The following NLRP5 variants were observed in gnomAD, a reference collection of about 807,000 sequenced individuals.
NLRP5 encodes the protein NLR family pyrin domain containing 5.
NLRP5 carries 93 observed loss-of-function variants against 113.1 expected under a neutral mutation model. The observed-to-expected ratio is 0.82, with a 90% CI of 0.70 to 0.98. NLRP5 has a LOEUF of 0.98. Among genes scored for constraint, NLRP5 ranks in the 50% least tolerant of loss-of-function variants. NLRP5 has a pLI of 0.00. For missense variants in NLRP5, 1,808 were observed against 1,514.3 expected (o/e 1.19, Z -3.22); for synonymous variants, 751 against 600.7 (o/e 1.25, Z -3.66).
intron 12 of NLRP5, among the ~76,000 whole-genome samples, chr19:56,053,393 T>A (rs1200513402): frequency 7.5e-6 from 1 of 133,642 alleles, no homozygotes; most frequent in Non-Finnish European, 1.6e-5. Context: ...CAAAACTCCA[T>A]CTCAAAAAAA....
Position 56,057,176 on chromosome 19 carries a change from G to A in NLRP5, c.3300-1064G>A, listed in dbSNP as rs368656727. On this transcript the variant is annotated intron_variant, in intron 13 of 14. Transcript: ENST00000390649. ...TTCTTTTTCAATCTAGAATGATTAG[G>A]ACATGTAAAACCTATATACCCACCA... is the stretch of plus-strand genomic sequence containing the variant. Among the ~76,000 whole-genome samples the A allele has an allele frequency of 9.9e-5, 15 of 152,178 alleles. No individual in the cohort carries two copies. In the South Asian group the frequency reaches 1.5e-3, roughly 15 times the overall value.
In NLRP5 at chr19:56,038,060, T is replaced by C. The variant is rs1284927698; in HGVS notation, c.2651T>C (p.Leu884Pro). 6.2e-7 allele frequency: 1 copy of C among 1,613,866 alleles called. No homozygotes were observed. The highest frequency in any genetic ancestry group is 1.7e-5 in the Admixed American group (1 of 59,986). ...TGTGGATTGACCCATGCCTGTTACCTGAAGATCTCCCAAATCCTTACGACC... is the reference window on the plus strand; with the variant it reads ...TGTGGATTGACCCATGCCTGTTACCCGAAGATCTCCCAAATCCTTACGACC... The change falls in exon 10 of 15, where the codon CTG (leucine) becomes CCG (proline). Residue 884 changes from leucine to proline, a missense_variant. Transcript: ENST00000390649.
intron 13 of NLRP5, among the ~76,000 whole-genome samples, chr19:56,055,155 CT>C (rs977575218): frequency 1.3e-5 from 2 of 150,534 alleles, no homozygotes; most frequent in African/African-American, 4.9e-5. Context: ...TGCCCGGCTA[CT>C]TTTTTTTGTA....
intron 13 of NLRP5, among the ~76,000 whole-genome samples, chr19:56,056,969 G>A (rs143721403): frequency 0.012 from 1,833 of 151,920 alleles, 41 homozygotes; most frequent in African/African-American, 0.041. Flanking sequence ...ATGAAACCCC[G>A]TCTATACTAA....
chr19:56,057,301 C>A (rs1039433119), intron 13 of NLRP5, among the ~76,000 whole-genome samples: 1 of 152,200 alleles, frequency 6.6e-6, no homozygotes, highest in East Asian at 1.9e-4. Flanking sequence ...AGCGTGCTCC[C>A]TTCAAAATAG....
chr19:56,033,239 A>G (rs1024107453), intron 8 of NLRP5, among the ~76,000 whole-genome samples: 2 of 152,062 alleles, frequency 1.3e-5, no homozygotes, highest in African/African-American at 2.4e-5. Flanking sequence ...TGACAGAGTG[A>G]GACTCCATCT....
intron 3 of NLRP5, among the ~76,000 whole-genome samples, chr19:56,010,742 C>CAAAAAAAAAAAAAAAGAAAAAAAAA (rs1412317286): frequency 2.4e-5 from 1 of 41,278 alleles, no homozygotes; most frequent in Non-Finnish European, 4.3e-5. Context: ...AACTCTGTCT[C>CAAAAAAAAAAAAAAAGAAAAAAAAA]AAAAAAAAAA....
chr19:56,061,011 T>C (rs972190264), intron 14 of NLRP5, among the ~76,000 whole-genome samples: 10 of 144,922 alleles, frequency 6.9e-5, no homozygotes, highest in African/African-American at 2.5e-4. Context: ...TCACTGGGCA[T>C]GCATAATTAT....
At chr19:56,055,010 T>C (rs1984078272) in intron 13 of NLRP5, among the ~76,000 whole-genome samples, 1 of 143,302 alleles carries the variant, frequency 7.0e-6, no homozygotes, top group Non-Finnish European at 1.5e-5. Context: ...TTTTTTTTTT[T>C]TTTTTTTGAG....
chr19:56,015,110 C>A (rs1982353694), intron 3 of NLRP5, among the ~76,000 whole-genome samples: 1 of 152,136 alleles, frequency 6.6e-6, no homozygotes, highest in South Asian at 2.1e-4. Context: ...TTTCAGGATA[C>A]AAGTCTCTCA....
the NLRP5 span, among the ~76,000 whole-genome samples, chr19:55,991,239 A>T: frequency 1.3e-5 from 2 of 152,212 alleles, no homozygotes; most frequent in African/African-American, 4.8e-5. Context: ...TAAAGTAGGA[A>T]TTCATGAACA....
In NLRP5 at chr19:56,005,229, AT is replaced by A. The variant is rs984423150; in HGVS notation, c.442+1139del. Among the ~76,000 whole-genome samples the A allele has an allele frequency of 1.4e-4, 20 of 144,678 alleles. 1 individual carries two copies. Among genetic ancestry groups the A allele is most frequent in the Admixed American group, 3.6e-4 (5 of 13,972 alleles). 94.9% of individuals were successfully genotyped at this position (144,678 alleles called of 152,430 possible). A position where few individuals can be genotyped will look rare whatever the true frequency, so the allele number is the denominator to read the frequency against. ...TACACATACACACATATACACATAT[AT>A]TTTTATATATACACACATATATATT... On this transcript the variant is annotated intron_variant, in intron 2 of 14. Transcript: ENST00000390649.
At chr19:56,052,385 C>A (rs1242250732) in intron 12 of NLRP5, among the ~76,000 whole-genome samples, 3 of 152,172 alleles carry the variant, frequency 2.0e-5, no homozygotes, top group African/African-American at 7.2e-5. Flanking sequence ...TCTCCTGCCT[C>A]AGCCTCCCGA....
Position 56,020,431 on chromosome 19 carries a change from G to A in NLRP5, c.679G>A (p.Gly227Arg). 6.2e-7 allele frequency: 1 copy of A among 1,613,352 alleles called. No individual in the cohort carries two copies. Among genetic ancestry groups the A allele is most frequent in the South Asian group, 1.1e-5 (1 of 91,032 alleles). Reference sequence around the variant, plus strand: ...CACAGCAGCAGAGACAGAAGAACAAGGTGAGGAAAATAGATGTATTCCTTG... The same window carrying A: ...CACAGCAGCAGAGACAGAAGAACAAAGTGAGGAAAATAGATGTATTCCTTG... Residue 227 changes from glycine (G) to arginine (R), a missense_variant and splice_region_variant, in exon 6 of 15, where the codon GGA becomes AGA. Coordinates refer to ENST00000390649, the MANE Select transcript of NLRP5 (RefSeq NM_153447.4).
chr19:56,053,564 T>A (rs1984011024), intron 12 of NLRP5, 74 bp from the exon 13 acceptor site: 1 of 1,364,762 alleles, frequency 7.3e-7, no homozygotes, highest in East Asian at 2.5e-5. Context: ...CTCCAGTTAA[T>A]GCTGCTGAAC....
chr19:55,999,364 G>A (rs111641573), upstream of NLRP5, among the ~76,000 whole-genome samples: 24 of 151,756 alleles, frequency 1.6e-4, 1 homozygote, highest in East Asian at 1.4e-3. Flanking sequence ...ACAGGTGCGC[G>A]CCACCATGCC....
chr19:56,013,612 T>TTTTTTTTTTTTTTTTTTTTTTTTTTG (rs1982295404), intron 3 of NLRP5, among the ~76,000 whole-genome samples: 1 of 141,300 alleles, frequency 7.1e-6, no homozygotes, highest in East Asian at 2.1e-4. Flanking sequence ...TTTTTTTTTT[T>TTTTTTTTTTTTTTTTTTTTTTTTTTG]TTTTTGCTAT....
At chr19:56,019,287 A>G (rs920046291) in intron 4 of NLRP5, 55 bp from the exon 5 acceptor site, 36 of 1,594,738 alleles carry the variant, frequency 2.3e-5, no homozygotes, top group Non-Finnish European at 2.4e-5. Context: ...GGTGTCTGAC[A>G]TCTCTGACTC....
chr19:56,031,588 G>A (rs1983115622), intron 7 of NLRP5, among the ~76,000 whole-genome samples: 1 of 144,224 alleles, frequency 6.9e-6, no homozygotes, highest in South Asian at 2.2e-4. Context: ...CCAAGATCAT[G>A]CCACTGCACT....
Sources: gnomAD v4.1 joint callset for allele counts (sites outside exome capture counted in the v4.1 genomes callset) on GRCh38, gnomAD v4.1.1 for gene constraint, MANE v1.5 for transcripts, NCBI Gene and HGNC (gene_info 2026-07-23, HGNC 2026-07-21) for gene names.